Variants in ANKRD22 observed in about 807,000 individuals in gnomAD.
ANKRD22 encodes the protein ankyrin repeat domain-containing protein 22.
ANKRD22 carries 24 observed loss-of-function variants against 25.7 expected under a neutral mutation model. The ratio of observed to expected loss-of-function variants is 0.93; its 90% CI spans 0.68 to 1.31. ANKRD22 has a LOEUF of 1.31. Ranked by LOEUF, ANKRD22 falls within the 50% of genes most tolerant of loss-of-function variation. The pLI is 0.00. For missense variants in ANKRD22, 214 were observed against 227.1 expected, an observed-to-expected ratio of 0.94 and a Z score of 0.37; for synonymous variants, 84 against 84.3, an observed-to-expected ratio of 1.00 and a Z score of 0.02.
rs1263489543 is a variant in ANKRD22, at chr10:88,820,147, T to C, written c.*2794A>G. On this transcript the variant is annotated 3_prime_UTR_variant, in exon 6 of 6. Coordinates refer to ENST00000371930, the MANE Select transcript of ANKRD22 (RefSeq NM_144590.3). ...GTACCCTTCACCACAACAGATGGCATGTTTATTATGTCTATTTGAAACATA... is the reference window on the plus strand; with the variant it reads ...GTACCCTTCACCACAACAGATGGCACGTTTATTATGTCTATTTGAAACATA... 3 of 1,117,560 alleles carry C rather than the reference T, an allele frequency of 2.7e-6. No homozygotes were observed. The highest frequency in any genetic ancestry group is 1.6e-5 in the South Asian group (1 of 63,010). The allele number at this position is 1,117,560 out of a possible 1,614,324, so 69.2% of individuals were successfully genotyped here. A position where few individuals can be genotyped will look rare whatever the true frequency, so the allele number is the denominator to read the frequency against.
chr10:88,847,933 A>T (rs1188524408), intron 1 of ANKRD22, among the ~76,000 whole-genome samples: 1 of 151,884 alleles, frequency 6.6e-6, no homozygotes, highest in Non-Finnish European at 1.5e-5. Context: ...GGTGTTCAAG[A>T]AAAAGATATA....
chr10:88,838,755 G>A (rs1282567189), intron 1 of ANKRD22, among the ~76,000 whole-genome samples: 2 of 152,146 alleles, frequency 1.3e-5, no homozygotes, highest in Non-Finnish European at 2.9e-5. Context: ...GAGATTTCAA[G>A]TAAGAAATTG....
intron 1 of ANKRD22, among the ~76,000 whole-genome samples, chr10:88,844,130 A>G (rs1208561931): frequency 6.6e-6 from 1 of 152,198 alleles, no homozygotes; most frequent in Non-Finnish European, 1.5e-5. Flanking sequence ...GGAATGAGCC[A>G]GGTAACTTTC....
intron 1 of ANKRD22, among the ~76,000 whole-genome samples, chr10:88,835,754 T>C (rs1026308055): frequency 1.3e-5 from 2 of 151,948 alleles, no homozygotes; most frequent in Non-Finnish European, 2.9e-5. Context: ...AATGTGAGAG[T>C]CGCACTAACG....
Position 88,848,108 on chromosome 10 carries a change from C to T in ANKRD22, c.21+3479G>A, listed in dbSNP as rs80243883. On this transcript the variant is annotated intron_variant, in intron 1 of 5. Transcript: ENST00000371930. Reference sequence around the variant, plus strand: ...AAAAATTTGGAGTTTTGGAGCACTTCCACTCAAATTTTCAGATTAGGGATG... The same window carrying T: ...AAAAATTTGGAGTTTTGGAGCACTTTCACTCAAATTTTCAGATTAGGGATG... 2.1e-3 allele frequency among the ~76,000 whole-genome samples: 317 copies of T among 150,094 alleles called. 3 individuals carry two copies. The highest frequency in any genetic ancestry group is 0.013 in the Admixed American group (200 of 15,044).
intron 1 of ANKRD22, among the ~76,000 whole-genome samples, chr10:88,847,756 A>G (rs975953498): frequency 6.6e-6 from 1 of 151,898 alleles, no homozygotes; most frequent in Admixed American, 6.6e-5. Flanking sequence ...AAGCAAAACA[A>G]AAACAAAATA....
At chr10:88,841,162 G>A (rs1246452656) in intron 1 of ANKRD22, among the ~76,000 whole-genome samples, 1 of 152,056 alleles carries the variant, frequency 6.6e-6, no homozygotes, top group African/African-American at 2.4e-5. Flanking sequence ...GAAACTCTGA[G>A]GTCATGAGGA....
intron 4 of ANKRD22, among the ~76,000 whole-genome samples, chr10:88,825,163 G>GCA (rs1202114455): frequency 6.6e-6 from 1 of 152,076 alleles, no homozygotes; most frequent in Non-Finnish European, 1.5e-5. Context: ...ACACAGATGT[G>GCA]CACACACGTA....
chr10:88,822,496 T>C lies in ANKRD22; in HGVS notation c.*445A>G. 6.8e-6 allele frequency: 1 copy of C among 147,584 alleles called. No homozygotes were observed. The highest frequency in any genetic ancestry group is 1.5e-5 in the Non-Finnish European group (1 of 68,470). The allele number at this position is 147,584 out of a possible 1,614,324, so 9.1% of individuals were successfully genotyped here. ...GAAGGGAGAACGCTGTTTCAGAAGA[T>C]AACTCAGATCCTCTTCTTCAGGAAA... On this transcript the variant is annotated 3_prime_UTR_variant, in exon 6 of 6. Transcript: ENST00000371930.
At position 88,851,794 on chromosome 10, in the gene ANKRD22, C is replaced by A. The variant is rs1844107942; in HGVS notation, c.-187G>T. The A allele has an allele frequency of 1.6e-6, 1 of 623,096 alleles. No individual in the cohort carries two copies. Among genetic ancestry groups the A allele is most frequent in the Non-Finnish European group, 2.9e-6 (1 of 346,746 alleles). 38.6% of individuals were successfully genotyped at this position (623,096 alleles called of 1,614,324 possible). On this transcript the variant is annotated 5_prime_UTR_variant, in exon 1 of 6. Transcript: ENST00000371930. ...TTTTCCAGCAGCTCAGGCAGCAGCA[C>A]ACCTTCCAGAGAGCCCAGCCCAATG...
At chr10:88,831,175 T>G (rs1286504248) in intron 2 of ANKRD22, among the ~76,000 whole-genome samples, 1 of 152,224 alleles carries the variant, frequency 6.6e-6, no homozygotes, top group Non-Finnish European at 1.5e-5. Flanking sequence ...AATATTGCCT[T>G]CACTACGATG....
chr10:88,850,412 A>T (rs537317867), intron 1 of ANKRD22, among the ~76,000 whole-genome samples: 1 of 152,280 alleles, frequency 6.6e-6, no homozygotes, highest in Admixed American at 6.5e-5. Context: ...CTGTATAGAC[A>T]TTAAAAACGG....
rs776779904 is a variant in ANKRD22 at position 88,820,404 on chromosome 10, G to T, written c.*2537C>A. The T allele has an allele frequency of 6.4e-7, 1 of 1,552,216 alleles. No individual in the cohort carries two copies. The highest frequency in any genetic ancestry group is 1.2e-5 in the South Asian group (1 of 84,054). On this transcript the variant is annotated 3_prime_UTR_variant, in exon 6 of 6. Transcript: ENST00000371930. Reference sequence around the variant, plus strand: ...TGGGCTCACGTGGATTTCATCTGGGGTTTGGATGCTCCTCACCGTATGTAC... The same window carrying T: ...TGGGCTCACGTGGATTTCATCTGGGTTTTGGATGCTCCTCACCGTATGTAC...
chr10:88,842,431 T>C (rs916113420), intron 1 of ANKRD22, among the ~76,000 whole-genome samples: 1 of 152,084 alleles, frequency 6.6e-6, no homozygotes, highest in Non-Finnish European at 1.5e-5. Context: ...CCTATGCAAC[T>C]CCATGCACTA....
chr10:88,847,868 C>G (rs1844066231), intron 1 of ANKRD22, among the ~76,000 whole-genome samples: 1 of 151,966 alleles, frequency 6.6e-6, no homozygotes, highest in Non-Finnish European at 1.5e-5. Flanking sequence ...GCTCATTCAT[C>G]CTGCACAGGT....
chr10:88,834,724 C>T (rs1026873510), intron 1 of ANKRD22, among the ~76,000 whole-genome samples: 1 of 152,140 alleles, frequency 6.6e-6, no homozygotes, highest in African/African-American at 2.4e-5. Context: ...CACCTGAGGT[C>T]AGGAGTTCGA....
intron 1 of ANKRD22, among the ~76,000 whole-genome samples, chr10:88,850,801 T>C (rs759447061): frequency 5.3e-5 from 8 of 152,064 alleles, no homozygotes; most frequent in Non-Finnish European, 1.0e-4. Context: ...TAGAAATAAC[T>C]GCAAATAAAC....
At chr10:88,829,456 C>T (rs528934553) in intron 2 of ANKRD22, among the ~76,000 whole-genome samples, 11 of 152,088 alleles carry the variant, frequency 7.2e-5, no homozygotes, top group Admixed American at 2.0e-4. Flanking sequence ...AGGAACATAA[C>T]GATAGAATTT....
chr10:88,851,526 T>C, intron 1 of ANKRD22, 61 bp downstream of exon 1: 1 of 1,582,438 alleles, frequency 6.3e-7, no homozygotes. Flanking sequence ...GAAAATTGCA[T>C]CTGAAAAGCA....
Sources: gnomAD v4.1 joint callset for allele counts (sites outside exome capture counted in the v4.1 genomes callset) on GRCh38, gnomAD v4.1.1 for gene constraint, MANE v1.5 for transcripts, NCBI Gene and HGNC (gene_info 2026-07-23, HGNC 2026-07-21) for gene names.